The following PHLPP2 variants were observed in gnomAD, a reference collection of about 807,000 sequenced individuals.
The protein encoded by PHLPP2 is PH domain and leucine rich repeat protein phosphatase 2.
PHLPP2 carries 66 observed loss-of-function variants against 124.9 expected under a neutral mutation model. The ratio of observed to expected loss-of-function variants is 0.53; its 90% CI spans 0.43 to 0.65. The LOEUF is 0.65. PHLPP2 is among the 30% of genes least tolerant of loss of function. The pLI is 0.00. For synonymous variants in PHLPP2, 681 were observed against 624.7 expected, an observed-to-expected ratio of 1.09 and a Z score of -1.34; for missense variants, 1,685 against 1,600.4, an observed-to-expected ratio of 1.05 and a Z score of -0.90.
chr16:71,657,549 C>A (rs1015058511), intron 15 of PHLPP2, among the ~76,000 whole-genome samples: 2 of 151,548 alleles, frequency 1.3e-5, no homozygotes, highest in African/African-American at 4.9e-5. Flanking sequence ...CGCCCGCCAC[C>A]TCGCCCGGCT....
intron 12 of PHLPP2, among the ~76,000 whole-genome samples, chr16:71,665,295 C>A (rs1374107105): frequency 6.6e-6 from 1 of 152,088 alleles, no homozygotes; most frequent in Admixed American, 6.6e-5. Context: ...GGCGACACAG[C>A]TAGACTGCAT....
intron 13 of PHLPP2, among the ~76,000 whole-genome samples, chr16:71,663,662 C>G (rs1052796314): frequency 6.6e-6 from 1 of 152,084 alleles, no homozygotes; most frequent in Admixed American, 6.6e-5. Flanking sequence ...ACTATTAGAC[C>G]ATAATTAAGA....
chr16:71,714,511 C>A lies in PHLPP2; in HGVS notation c.284+1G>T. 1.9e-6 allele frequency: 3 copies of A among 1,598,492 alleles called. No homozygotes were observed. The highest frequency in any genetic ancestry group is 2.6e-6 in the Non-Finnish European group (3 of 1,169,724). ...TTAGAGTGGTAAAACTGAGACCTCACCTGACCAGGTCTCCATGAAGCTGTA... is the reference window on the plus strand; with the variant it reads ...TTAGAGTGGTAAAACTGAGACCTCAACTGACCAGGTCTCCATGAAGCTGTA... On this transcript the variant is annotated splice_donor_variant, in intron 2 of 18. Coordinates refer to ENST00000568954, the MANE Select transcript of PHLPP2 (RefSeq NM_015020.3). LOFTEE classifies it high-confidence loss of function.
chr16:71,688,147 T>C (rs1264140306), intron 4 of PHLPP2, among the ~76,000 whole-genome samples: 2 of 152,188 alleles, frequency 1.3e-5, no homozygotes, highest in African/African-American at 4.8e-5. Context: ...CCTTTAAAGG[T>C]CAAGCTCTTT....
intron 9 of PHLPP2, among the ~76,000 whole-genome samples, chr16:71,674,387 T>TC (rs2044924615): frequency 1.3e-5 from 2 of 151,506 alleles, no homozygotes; most frequent in South Asian, 4.2e-4. Flanking sequence ...CCAGACTTTT[T>TC]TTTTTTTTTT....
chr16:71,691,330 G>A (rs1051585541), intron 3 of PHLPP2, among the ~76,000 whole-genome samples: 3 of 151,954 alleles, frequency 2.0e-5, no homozygotes, highest in Admixed American at 6.6e-5. Flanking sequence ...GCATGGTGGC[G>A]GACACCTATA....
At chr16:71,682,621 A>G (rs7186890) in intron 5 of PHLPP2, among the ~76,000 whole-genome samples, 13,064 of 152,276 alleles carry the variant, frequency 0.086, 592 homozygotes, top group Middle Eastern at 0.11. Context: ...TGAGGATAAA[A>G]GTAAATAACC....
At chr16:71,691,734 C>T (rs910255933) in intron 3 of PHLPP2, among the ~76,000 whole-genome samples, 1 of 151,954 alleles carries the variant, frequency 6.6e-6, no homozygotes, top group African/African-American at 2.4e-5. Flanking sequence ...TTCTACTTCT[C>T]ATCAGAGGCC....
chr16:71,689,694 G>A (rs536559256), intron 4 of PHLPP2, among the ~76,000 whole-genome samples: 4 of 151,706 alleles, frequency 2.6e-5, no homozygotes, highest in Non-Finnish European at 2.9e-5. Flanking sequence ...CACCGCACCC[G>A]GCCAAGACAG....
At chr16:71,717,162 A>T (rs1264191048) in intron 1 of PHLPP2, among the ~76,000 whole-genome samples, 1 of 152,250 alleles carries the variant, frequency 6.6e-6, no homozygotes, top group Non-Finnish European at 1.5e-5. Context: ...AGTAAATAAA[A>T]TACTTTCAGT....
chr16:71,690,892 T>C (rs1052405958), intron 3 of PHLPP2, among the ~76,000 whole-genome samples, 183 bp from the exon 4 acceptor site: 8 of 152,204 alleles, frequency 5.3e-5, no homozygotes, highest in African/African-American at 7.2e-5. Flanking sequence ...AGGAGTACCT[T>C]TGAATTTTGG....
In PHLPP2 at chr16:71,679,366, G is replaced by A. The variant is rs1247282808; in HGVS notation, c.1037+23C>T. 4 of 1,607,508 alleles carry A rather than the reference G, an allele frequency of 2.5e-6. No homozygotes were observed. In the Admixed American group the frequency reaches 6.7e-5, roughly 27 times the overall value. On this transcript the variant is annotated intron_variant, in intron 7 of 18. Transcript: ENST00000568954. The stretch of plus-strand genomic sequence containing the variant: ...GTTCCTTATTCTGCAAGGGAAAAGA[G>A]GAATCTAGTAAAAGTTACTTACTTT...
intron 2 of PHLPP2, among the ~76,000 whole-genome samples, chr16:71,710,626 A>G (rs1304089162): frequency 1.3e-5 from 2 of 152,262 alleles, no homozygotes; most frequent in Non-Finnish European, 2.9e-5. Context: ...TATCTGAAGT[A>G]CAGCACATCT....
At chr16:71,700,805 G>A (rs754104744) in intron 3 of PHLPP2, among the ~76,000 whole-genome samples, 4 of 152,126 alleles carry the variant, frequency 2.6e-5, no homozygotes, top group Admixed American at 6.5e-5. Flanking sequence ...GATTACAGGC[G>A]TGAGCCACCG....
intron 3 of PHLPP2, among the ~76,000 whole-genome samples, chr16:71,693,749 CTTAG>C (rs1457544869): frequency 6.6e-6 from 1 of 152,202 alleles, no homozygotes; most frequent in Non-Finnish European, 1.5e-5. Context: ...TTCATTTCTG[CTTAG>C]TGAAACGTTG....
At chr16:71,702,027 G>A (rs2045237438) in intron 3 of PHLPP2, among the ~76,000 whole-genome samples, 1 of 152,052 alleles carries the variant, frequency 6.6e-6, no homozygotes, top group African/African-American at 2.4e-5. Context: ...TGAAGAACTA[G>A]GGTTCAACCA....
intron 15 of PHLPP2, among the ~76,000 whole-genome samples, chr16:71,657,162 C>A (rs1322446145): frequency 6.6e-6 from 1 of 151,850 alleles, no homozygotes; most frequent in Non-Finnish European, 1.5e-5. Flanking sequence ...AGGCTGGTCT[C>A]GAACTCCTGA....
chr16:71,664,071 T>C lies in PHLPP2; in HGVS notation c.1813A>G (p.Ser605Gly). Residue 605 changes from serine to glycine, a missense_variant, in exon 13 of 19, where the codon AGT becomes GGT. Transcript: ENST00000568954. ...CAGGCGGATGGTAAAGACTCCAGACTATTTGCAGATGCATTCAAGTATCTG... is the reference window on the plus strand; with the variant it reads ...CAGGCGGATGGTAAAGACTCCAGACCATTTGCAGATGCATTCAAGTATCTG... ...NLRYLNASANSLESLPSACTG... is the reference protein window; with the variant it reads ...NLRYLNASANGLESLPSACTG... 1 of 1,613,532 alleles carries C rather than the reference T, an allele frequency of 6.2e-7. No homozygotes were observed. The highest frequency in any genetic ancestry group is 1.1e-5 in the South Asian group (1 of 91,066).
chr16:71,672,652 A>T (rs2044905569), intron 9 of PHLPP2, among the ~76,000 whole-genome samples: 1 of 152,246 alleles, frequency 6.6e-6, no homozygotes, highest in African/African-American at 2.4e-5. Flanking sequence ...TTAACTTTTA[A>T]TTGAAGTATA....
Sources: gnomAD v4.1 joint callset for allele counts (sites outside exome capture counted in the v4.1 genomes callset) on GRCh38, gnomAD v4.1.1 for gene constraint, MANE v1.5 for transcripts, NCBI Gene and HGNC (gene_info 2026-07-23, HGNC 2026-07-21) for gene names.